The following KIFBP variants were observed in gnomAD, a reference collection of about 807,000 sequenced individuals.
The protein encoded by KIFBP is KIF-binding protein.
In KIFBP, 46 loss-of-function variants were observed where a neutral mutation model predicts 58.9. The ratio of observed to expected loss-of-function variants is 0.78; its 90% confidence interval spans 0.62 to 1.00. The LOEUF (loss-of-function observed/expected upper bound fraction) is 1.00. Ranked by LOEUF, KIFBP falls within the 50% of genes least tolerant of loss-of-function variation. KIFBP has a pLI of 0.00. For missense variants in KIFBP, 651 were observed against 752.9 expected (o/e 0.86, Z 1.58); for synonymous variants, 241 against 283.4 (o/e 0.85, Z 1.50).
rs1180987087 is a variant in KIFBP, at chr10:69,016,716, T to A, written c.*300T>A. 1.0e-5 allele frequency: 3 copies of A among 292,922 alleles called. No individual in the cohort carries two copies. The East Asian group carries it at 2.0e-4, about 20-fold the overall frequency. 18.1% of individuals were successfully genotyped at this position (292,922 alleles called of 1,614,324 possible). The stretch of plus-strand genomic sequence containing the variant: ...TAAATGTAGACTATTTGTTGGCTAG[T>A]ACTTGATAGATTCCTTGTAAGAAAA... On this transcript the variant is annotated 3_prime_UTR_variant, in exon 7 of 7. Coordinates refer to ENST00000361983, the MANE Select transcript of KIFBP (RefSeq NM_015634.4).
At chr10:69,008,419 TTCAGTCTTCTGACACA>T (rs1843560042) in intron 4 of KIFBP, among the ~76,000 whole-genome samples, 2 of 137,608 alleles carry the variant, frequency 1.5e-5, no homozygotes, top group Admixed American at 7.3e-5. Context: ...TATATATATA[TTCAGTCTTCTGACACA>T]ATGTAAATAG....
intron 1 of KIFBP, chr10:68,991,388 C>T: frequency 9.0e-6 from 3 of 335,136 alleles, no homozygotes; most frequent in South Asian, 8.7e-5. Flanking sequence ...ACACAAGTTT[C>T]TGGATATTGC....
rs554909691 is a variant in KIFBP at position 69,002,283 on chromosome 10, C to T, written c.525+1761C>T. 2.7e-3 allele frequency among the ~76,000 whole-genome samples: 411 copies of T among 151,998 alleles called. 2 individuals are homozygous for T. Among genetic ancestry groups the T allele is most frequent in the Non-Finnish European group, 4.1e-3 (276 of 67,974 alleles). On this transcript the variant is annotated intron_variant, in intron 2 of 6. Transcript: ENST00000361983. ...CAAGTAATTCTCCTGCCTCAGCCTCCCAAGTGGCTGAGATTATAGGTGCCC... is the reference window on the plus strand; with the variant it reads ...CAAGTAATTCTCCTGCCTCAGCCTCTCAAGTGGCTGAGATTATAGGTGCCC...
intron 1 of KIFBP, among the ~76,000 whole-genome samples, chr10:68,992,771 A>G (rs1176113346): frequency 6.6e-6 from 1 of 152,140 alleles, no homozygotes; most frequent in Non-Finnish European, 1.5e-5. Context: ...ATGAGTTATG[A>G]GGGCTAAAGC....
intron 4 of KIFBP, among the ~76,000 whole-genome samples, 179 bp from the exon 5 acceptor site, chr10:69,008,662 A>G (rs1295865742): frequency 1.3e-5 from 2 of 152,028 alleles, no homozygotes; most frequent in Non-Finnish European, 2.9e-5. Context: ...CATTTTAACC[A>G]GATAATATGA....
intron 1 of KIFBP, chr10:68,989,693 G>C (rs551354283): frequency 5.3e-6 from 1 of 188,648 alleles, no homozygotes; most frequent in South Asian, 1.0e-4. Context: ...TTTTGGTTTT[G>C]TCTTGTTTTT....
rs1843313328 is a variant in KIFBP at position 68,989,175 on chromosome 10, G to A, written c.343G>A (p.Glu115Lys). 1.9e-6 allele frequency: 3 copies of A among 1,613,670 alleles called. No individual in the cohort carries two copies. The highest frequency in any genetic ancestry group is 8.5e-7 in the Non-Finnish European group (1 of 1,179,908). The change falls in exon 1 of 7, where the codon GAG becomes AAG. Residue 115 changes from glutamate (E) to lysine (K), a missense_variant. Glu to Lys is a moderately conservative substitution (Grantham distance 56). Transcript: ENST00000361983. Reference protein sequence around the residue: ...HIDTEELSAGEEHLVKCLRLL... With the variant: ...HIDTEELSAGKEHLVKCLRLL... ...CGACACGGAGGAGCTGTCGGCGGGG[G>A]AGGAGCACCTGGTGAAATGCCTGCG...
intron 2 of KIFBP, among the ~76,000 whole-genome samples, chr10:69,004,530 T>C (rs1843510597): frequency 1.3e-5 from 2 of 152,124 alleles, no homozygotes; most frequent in African/African-American, 2.4e-5. Context: ...AATAAAAGGG[T>C]ATCTTTTATT....
rs931153545 is a variant in KIFBP at position 69,006,682 on chromosome 10, G to A, written c.789+767G>A. On this transcript the variant is annotated intron_variant, in intron 4 of 6. Coordinates refer to ENST00000361983, the MANE Select transcript of KIFBP (RefSeq NM_015634.4). ...TTACTTTTATTTATATTTCGAATTC[G>A]CAAGCCTCTCTGAAATTTTGGTAGT... 3.3e-5 allele frequency among the ~76,000 whole-genome samples: 5 copies of A among 152,076 alleles called. No homozygotes were observed. The East Asian group carries it at 5.8e-4, about 18-fold the overall frequency.
In KIFBP at chr10:69,015,648, A is replaced by G; in HGVS notation, c.1098A>G (p.Gly366=). ...TTCGGAAAAAAGCTGTGCAGTTTGG[A>G]ACCGGTGAACTGTGTGATGCCATCT... The part of the protein sequence containing the change: ...ESIRKKAVQF[G]TGELCDAISA... Residue 366 remains glycine, a synonymous_variant, in exon 7 of 7, where the codon GGA becomes GGG. Coordinates refer to ENST00000361983, the MANE Select transcript of KIFBP (RefSeq NM_015634.4). The G allele has an allele frequency of 6.2e-7, 1 of 1,614,178 alleles. No individual in the cohort carries two copies.
chr10:69,000,405 CT>C lies in KIFBP; in HGVS notation c.427-14del, dbSNP rs1843454082. On this transcript the variant is annotated intron_variant, in intron 1 of 6. Coordinates refer to ENST00000361983, the MANE Select transcript of KIFBP (RefSeq NM_015634.4). ...AAGTCTTATATCATTGTTTGTTTCT[CT>C]TTTTCTTTATTTTCCAGAATAACCT... The C allele has an allele frequency of 6.6e-7, 1 of 1,519,254 alleles. No individual in the cohort carries two copies. Among genetic ancestry groups the C allele is most frequent in the Non-Finnish European group, 9.1e-7 (1 of 1,094,268 alleles). 94.1% of individuals were successfully genotyped at this position (1,519,254 alleles called of 1,614,324 possible). A position where few individuals can be genotyped will look rare whatever the true frequency, so the allele number is the denominator to read the frequency against.
chr10:69,015,771 A>C lies in KIFBP; in HGVS notation c.1221A>C (p.Lys407Asn), dbSNP rs754137248. The C allele has an allele frequency of 2.5e-6, 4 of 1,614,100 alleles. No homozygotes were observed. The highest frequency in any genetic ancestry group is 3.4e-6 in the Non-Finnish European group (4 of 1,180,046). Residue 407 changes from lysine to asparagine, a missense_variant, in exon 7 of 7, where the codon AAA (lysine) becomes AAC (asparagine). Lys to Asn is a moderately conservative substitution (Grantham distance 94). Coordinates refer to ENST00000361983, the MANE Select transcript of KIFBP (RefSeq NM_015634.4). Reference protein sequence around the residue: ...LLGQHYVFEAKEFFQIDGYVT... With the variant: ...LLGQHYVFEANEFFQIDGYVT... The stretch of plus-strand genomic sequence containing the variant: ...GTCAGCACTATGTCTTTGAGGCAAA[A>C]GAGTTCTTTCAGATTGATGGTTATG...
intron 2 of KIFBP, 33 bp downstream of exon 2, chr10:69,000,555 G>A: frequency 3.2e-6 from 4 of 1,259,860 alleles, no homozygotes; most frequent in Middle Eastern, 3.8e-4. Context: ...TTTAAGTTTT[G>A]ATTGAAACTA....
At position 69,015,026 on chromosome 10, in the gene KIFBP, G is replaced by T. The variant is rs570119180; in HGVS notation, c.991-515G>T. On this transcript the variant is annotated intron_variant, in intron 6 of 6. Transcript: ENST00000361983. ...CAACCTCTGCCTCCTGGGTTCAAGCGATTCTCCTGCCTCAGCCTCTCAAGT... is the reference window on the plus strand; with the variant it reads ...CAACCTCTGCCTCCTGGGTTCAAGCTATTCTCCTGCCTCAGCCTCTCAAGT... Among the ~76,000 whole-genome samples, 420 of 152,156 alleles carry T rather than the reference G, an allele frequency of 2.8e-3. 5 individuals are homozygous for T. The highest frequency in any genetic ancestry group is 9.4e-3 in the African/African-American group (392 of 41,506).
intron 5 of KIFBP, among the ~76,000 whole-genome samples, chr10:69,010,039 G>C (rs961616933): frequency 1.3e-5 from 2 of 151,992 alleles, no homozygotes; most frequent in African/African-American, 4.8e-5. Context: ...AGAGGCACTT[G>C]TCTCAAAAAA....
At position 68,988,998 on chromosome 10, in the gene KIFBP, G is replaced by A. The variant is rs1426169338; in HGVS notation, c.166G>A (p.Asp56Asn). The change falls in exon 1 of 7, where the codon GAC becomes AAC. Residue 56 changes from aspartate (D) to asparagine (N), a missense_variant. Physicochemically the swap from Asp to Asn is conservative, Grantham distance 23 (BLOSUM62 1). Transcript: ENST00000361983. ...VKALLGPAPE[D>N]EDERPEAEDG... ...GGCGCTGCTCGGCCCTGCGCCTGAG[G>A]ACGAGGATGAGCGGCCTGAGGCCGA... 6.2e-7 allele frequency: 1 copy of A among 1,614,220 alleles called. No homozygotes were observed. The highest frequency in any genetic ancestry group is 8.5e-7 in the Non-Finnish European group (1 of 1,180,028).
chr10:69,004,946 A>G (rs1843514982), intron 2 of KIFBP, 100 bp from the exon 3 acceptor site: 1 of 763,730 alleles, frequency 1.3e-6, no homozygotes, highest in East Asian at 2.5e-5. Context: ...AATGAAATGT[A>G]TTTGGCTTGT....
intron 1 of KIFBP, among the ~76,000 whole-genome samples, chr10:68,993,812 G>T (rs1843376804): frequency 6.6e-6 from 1 of 152,046 alleles, no homozygotes; most frequent in Admixed American, 6.6e-5. Context: ...TCATCTCATG[G>T]TAATTAGAAA....
Position 69,005,090 on chromosome 10 carries a change from A to G in KIFBP, c.570A>G (p.Glu190=). Residue 190 remains glutamate, a synonymous_variant, in exon 3 of 7, where the codon GAA becomes GAG. Transcript: ENST00000361983. Reference sequence around the variant, plus strand: ...ATCCTACTGAGCGTTTTCTTCCTGAAGAAGAGAAACTTACTGAACAAGAGA... The same window carrying G: ...ATCCTACTGAGCGTTTTCTTCCTGAGGAAGAGAAACTTACTGAACAAGAGA... ...PLDPTERFLP[E]EEKLTEQERS... 6.2e-7 allele frequency: 1 copy of G among 1,613,616 alleles called. No homozygotes were observed. Among genetic ancestry groups the G allele is most frequent in the Non-Finnish European group, 8.5e-7 (1 of 1,179,582 alleles).
Sources: allele counts gnomAD v4.1 joint callset (sites outside exome capture counted in the v4.1 genomes callset), GRCh38; gene constraint gnomAD v4.1.1; transcripts MANE v1.5; gene names NCBI Gene and HGNC (gene_info 2026-07-23, HGNC 2026-07-21).